The following FKBP5 variants were observed in gnomAD, a reference collection of about 807,000 sequenced individuals.
FKBP5 encodes the protein peptidyl-prolyl cis-trans isomerase FKBP5.
FKBP5 carries 23 observed loss-of-function variants against 50.5 expected under a neutral mutation model. The observed-to-expected ratio is 0.46, with a 90% CI of 0.33 to 0.65. The LOEUF (loss-of-function observed/expected upper bound fraction) is 0.65, where lower values mean the gene tolerates loss of function less well. Ranked by LOEUF, FKBP5 falls within the 30% of genes least tolerant of loss-of-function variation. The pLI is 0.02. For missense variants in FKBP5, 411 were observed against 553.1 expected (o/e 0.74, Z 2.58); for synonymous variants, 176 against 190.6 (o/e 0.92, Z 0.63).
intron 1 of FKBP5, among the ~76,000 whole-genome samples, chr6:35,643,473 T>C (rs565749704): frequency 6.6e-6 from 1 of 152,308 alleles, no homozygotes; most frequent in African/African-American, 2.4e-5. Flanking sequence ...TTCTGTAGGG[T>C]CATTTTTCAT....
At chr6:35,683,120 A>ATGTGTGTGTGTGTGTG (rs35830022) in intron 1 of FKBP5, among the ~76,000 whole-genome samples, 27 of 80,684 alleles carry the variant, frequency 3.3e-4, no homozygotes, top group Non-Finnish European at 5.0e-4. Context: ...ATATACGTAT[A>ATGTGTGTGTGTGTGTG]TGTGTGTGTG....
At chr6:35,707,003 T>C (rs1217128352) in intron 2 of FKBP5, among the ~76,000 whole-genome samples, 1 of 152,114 alleles carries the variant, frequency 6.6e-6, no homozygotes, top group East Asian at 1.9e-4. Context: ...AAATCTTATA[T>C]GTATAGTTAA....
chr6:35,585,462 T>C, intron 8 of FKBP5: 1 of 985,236 alleles, frequency 1.0e-6, no homozygotes, highest in Non-Finnish European at 1.2e-6. Flanking sequence ...GAAAGAAACT[T>C]GGGGAACATC....
intron 3 of FKBP5, among the ~76,000 whole-genome samples, chr6:35,634,857 G>T (rs1764262398): frequency 1.3e-5 from 2 of 151,966 alleles, no homozygotes; most frequent in African/African-American, 2.4e-5. Context: ...ATTCCTACAA[G>T]ATTAAAAAAT....
At chr6:35,595,701 G>A (rs1762964699) in intron 6 of FKBP5, among the ~76,000 whole-genome samples, 1 of 151,854 alleles carries the variant, frequency 6.6e-6, no homozygotes, top group African/African-American at 2.4e-5. Context: ...CAGTGAGCGT[G>A]ACTGTGCCAC....
At chr6:35,586,149 G>C in intron 8 of FKBP5, 1 of 984,848 alleles carries the variant, frequency 1.0e-6, no homozygotes, top group South Asian at 4.7e-5. Context: ...TTGACATGGA[G>C]AAGGCATATA....
At chr6:35,617,859 A>G (rs756763779) in intron 5 of FKBP5, among the ~76,000 whole-genome samples, 1 of 152,224 alleles carries the variant, frequency 6.6e-6, no homozygotes, top group African/African-American at 2.4e-5. Flanking sequence ...AGAGTTAGCT[A>G]TCTCAGTCCT....
chr6:35,631,564 C>A (rs912307570), intron 3 of FKBP5, among the ~76,000 whole-genome samples: 1 of 151,958 alleles, frequency 6.6e-6, no homozygotes, highest in African/African-American at 2.4e-5. Flanking sequence ...CTTTATTATA[C>A]GTAAATAATA....
chr6:35,608,371 A>G (rs535630352), intron 5 of FKBP5, among the ~76,000 whole-genome samples: 25 of 150,924 alleles, frequency 1.7e-4, no homozygotes, highest in Middle Eastern at 7.0e-3. Flanking sequence ...AAATAAAAGA[A>G]TTAATCAGCA....
upstream of FKBP5, among the ~76,000 whole-genome samples, chr6:35,690,822 C>T (rs1296198867): frequency 6.6e-6 from 1 of 151,940 alleles, no homozygotes; most frequent in Non-Finnish European, 1.5e-5. Context: ...GCCTGACCAA[C>T]ATGGAGAAAC....
intron 1 of FKBP5, among the ~76,000 whole-genome samples, chr6:35,657,345 A>T (rs1196432790): frequency 6.6e-6 from 1 of 152,236 alleles, no homozygotes; most frequent in East Asian, 1.9e-4. Context: ...AGGTGTTGGC[A>T]GGGCTGCATT....
intron 8 of FKBP5, chr6:35,584,619 G>A: frequency 2.0e-6 from 2 of 985,420 alleles, no homozygotes; most frequent in Non-Finnish European, 2.4e-6. Context: ...CTAACGCTAG[G>A]ACTACTGCTG....
At chr6:35,692,095 G>A (rs190214306), upstream of FKBP5, among the ~76,000 whole-genome samples, 50 of 152,256 alleles carry the variant, frequency 3.3e-4, no homozygotes, top group African/African-American at 9.9e-4. Context: ...AAAGCACTTC[G>A]CATTCACTAG....
At chr6:35,725,256 C>T (rs1451497160) in intron 1 of FKBP5, among the ~76,000 whole-genome samples, 4 of 152,096 alleles carry the variant, frequency 2.6e-5, no homozygotes, top group East Asian at 1.9e-4. Flanking sequence ...TGCCGCGAGG[C>T]CCCCACCTCT....
chr6:35,587,508 A>G (rs567930163), intron 7 of FKBP5, among the ~76,000 whole-genome samples: 30 of 152,258 alleles, frequency 2.0e-4, no homozygotes, highest in African/African-American at 5.1e-4. Flanking sequence ...CTGTTTTTCA[A>G]CTCTAAAATG....
chr6:35,680,836 AC>A (rs1274568734), intron 1 of FKBP5, among the ~76,000 whole-genome samples: 1 of 152,218 alleles, frequency 6.6e-6, no homozygotes, highest in Non-Finnish European at 1.5e-5. Flanking sequence ...AACTCTTTTA[AC>A]AGAAACAGTC....
At chr6:35,689,410 G>A (rs1765938502), upstream of FKBP5, among the ~76,000 whole-genome samples, 1 of 152,086 alleles carries the variant, frequency 6.6e-6, no homozygotes, top group Non-Finnish European at 1.5e-5. Flanking sequence ...AGTCGGGACT[G>A]GGGAAATCCC....
intron 2 of FKBP5, among the ~76,000 whole-genome samples, chr6:35,695,874 G>A (rs138268697): frequency 5.9e-5 from 9 of 152,288 alleles, no homozygotes; most frequent in Middle Eastern, 3.4e-3. Flanking sequence ...GCCGGGCGTG[G>A]TGGCTCACAC....
chr6:35,704,563 C>T (rs1489118575), intron 2 of FKBP5, among the ~76,000 whole-genome samples: 7 of 149,920 alleles, frequency 4.7e-5, no homozygotes, highest in Non-Finnish European at 7.4e-5. Context: ...GTGGGAGCCT[C>T]GGGAGAAAGC....
Sources: gnomAD v4.1 joint callset for allele counts (sites outside exome capture counted in the v4.1 genomes callset) on GRCh38, gnomAD v4.1.1 for gene constraint, MANE v1.5 for transcripts, NCBI Gene and HGNC (gene_info 2026-07-23, HGNC 2026-07-21) for gene names.